ISX: variants seen among roughly 807,000 people sequenced by gnomAD.
ISX encodes the protein intestine-specific homeobox.
ISX carries 15 observed loss-of-function variants against 16.9 expected under a neutral mutation model. The observed-to-expected ratio is 0.89, with a 90% CI of 0.59 to 1.36. ISX has a LOEUF of 1.36. Ranked by LOEUF, ISX falls within the 40% of genes most tolerant of loss-of-function variation. ISX has a pLI of 0.00. For synonymous variants in ISX, 125 were observed against 119.7 expected, an observed-to-expected ratio of 1.04 and a Z score of -0.29; for missense variants, 316 against 306.1, an observed-to-expected ratio of 1.03 and a Z score of -0.24.
Position 35,082,653 on chromosome 22 carries a change from C to G in ISX, c.365C>G (p.Pro122Arg). ...CAGCTGGCAGCCAGGATCAACCTCC[C>G]AGAAGCTCGGGTGCAGGTACAGCCA... is the stretch of plus-strand genomic sequence containing the variant. ...RSQLAARINLPEARVQIWFQN... is the reference protein window; with the variant it reads ...RSQLAARINLREARVQIWFQN... Residue 122 changes from proline (P) to arginine (R), a missense_variant, in exon 3 of 5, where the codon CCA becomes CGA. Transcript: ENST00000404699. 1 of 1,614,146 alleles carries G rather than the reference C, an allele frequency of 6.2e-7. No homozygotes were observed. The highest frequency in any genetic ancestry group is 8.5e-7 in the Non-Finnish European group (1 of 1,180,008).
intron 3 of ISX, among the ~76,000 whole-genome samples, chr22:35,083,085 C>T (rs1276664153): frequency 6.6e-6 from 1 of 152,206 alleles, no homozygotes; most frequent in Non-Finnish European, 1.5e-5. Context: ...AGCAACTGTT[C>T]AACCAGGCCA....
At position 35,084,404 on chromosome 22, in the gene ISX, G is replaced by A. The variant is rs764851237; in HGVS notation, c.403G>A (p.Ala135Thr). 1.6e-5 allele frequency: 26 copies of A among 1,613,982 alleles called. No individual in the cohort carries two copies. In the South Asian group the frequency reaches 2.5e-4, roughly 16 times the overall value. ...ACAGATCTGGTTCCAGAATCAGCGA[G>A]CCAAGTGGCGGAAGCAGGAGAAGAT... ...RVQIWFQNQR[A>T]KWRKQEKIGN... Residue 135 changes from alanine (A) to threonine (T), a missense_variant, in exon 4 of 5, where the codon GCC becomes ACC. Transcript: ENST00000404699.
At chr22:35,075,494 C>T (rs1239628258) in intron 2 of ISX, among the ~76,000 whole-genome samples, 14 of 152,046 alleles carry the variant, frequency 9.2e-5, no homozygotes, top group Admixed American at 9.2e-4. Flanking sequence ...TGGAGTGGGC[C>T]CCACACACAC....
rs557180558 is a variant in ISX, at chr22:35,084,488, C to A, written c.487C>A (p.Leu163Met). ...SEASVALPTN[L>M]DVAGPTWTST... ...AGCCAGTGTGGCCCTGCCCACAAAT[C>A]TGGATGTGGCTGTAAGTGGCTGAGG... The change falls in exon 4 of 5, where the codon CTG becomes ATG. Residue 163 changes from leucine (L) to methionine (M), a missense_variant. Transcript: ENST00000404699. 1.2e-6 allele frequency: 2 copies of A among 1,609,958 alleles called. No individual in the cohort carries two copies. The highest frequency in any genetic ancestry group is 1.7e-5 in the Admixed American group (1 of 59,804).
chr22:35,079,587 G>C (rs1466439511), intron 2 of ISX, among the ~76,000 whole-genome samples: 2 of 152,274 alleles, frequency 1.3e-5, no homozygotes, highest in East Asian at 3.9e-4. Context: ...CCTTCCCTGG[G>C]AGGCTTAGAG....
chr22:35,082,574 G>A lies in ISX; in HGVS notation c.286G>A (p.Glu96Lys), dbSNP rs1929146236. The change falls in exon 3 of 5, where the codon GAG becomes AAG. Residue 96 changes from glutamate (E) to lysine (K), a missense_variant. Glu to Lys is a moderately conservative substitution (Grantham distance 56). Coordinates refer to ENST00000404699, the MANE Select transcript of ISX (RefSeq NM_001303508.2). ...CACCTTCACCACTGAGCAGCTGCATGAGCTGGAGAAGATCTTCCACTTTAC... is the reference window on the plus strand; with the variant it reads ...CACCTTCACCACTGAGCAGCTGCATAAGCTGGAGAAGATCTTCCACTTTAC... ...RTTFTTEQLHELEKIFHFTHY... is the reference protein window; with the variant it reads ...RTTFTTEQLHKLEKIFHFTHY... 6.2e-7 allele frequency: 1 copy of A among 1,614,194 alleles called. No homozygotes were observed. Among genetic ancestry groups the A allele is most frequent in the South Asian group, 1.1e-5 (1 of 91,082 alleles).
chr22:35,085,791 C>T lies in ISX; in HGVS notation c.*98C>T. On this transcript the variant is annotated 3_prime_UTR_variant, in exon 5 of 5. Coordinates refer to ENST00000404699, the MANE Select transcript of ISX (RefSeq NM_001303508.2). Reference sequence around the variant, plus strand: ...CCTCTGGGGAAATCGATTTCACAATCCAAAAATGGCCCACAGCCCAGGAAG... The same window carrying T: ...CCTCTGGGGAAATCGATTTCACAATTCAAAAATGGCCCACAGCCCAGGAAG... 1 of 1,499,336 alleles carries T rather than the reference C, an allele frequency of 6.7e-7. No homozygotes were observed. The allele number at this position is 1,499,336 out of a possible 1,614,324, so 92.9% of individuals were successfully genotyped here.
intron 2 of ISX, among the ~76,000 whole-genome samples, chr22:35,080,992 G>A (rs1348188731): frequency 2.0e-5 from 3 of 152,216 alleles, no homozygotes; most frequent in Non-Finnish European, 2.9e-5. Context: ...TTTCTGCAAC[G>A]CACTGCCTAG....
intron 2 of ISX, among the ~76,000 whole-genome samples, chr22:35,068,658 C>T (rs994604631): frequency 1.2e-4 from 18 of 152,172 alleles, no homozygotes; most frequent in Admixed American, 5.9e-4. Context: ...AGCCCGATGA[C>T]GGCAGGCTTC....
At position 35,082,554 on chromosome 22, in the gene ISX, TCAC is replaced by T; in HGVS notation, c.270_272del (p.Thr91del). ...AGCAAGCGGAGGGTTCGTACCACCT[TCAC>T]CACTGAGCAGCTGCATGAGCTGGAG... On this transcript the variant is annotated inframe_deletion, in exon 3 of 5. Transcript: ENST00000404699. 1 of 1,614,136 alleles carries T rather than the reference TCAC, an allele frequency of 6.2e-7. No homozygotes were observed. The highest frequency in any genetic ancestry group is 8.5e-7 in the Non-Finnish European group (1 of 1,180,018).
intron 2 of ISX, among the ~76,000 whole-genome samples, chr22:35,076,620 G>C (rs1928988611): frequency 6.6e-6 from 1 of 152,178 alleles, no homozygotes; most frequent in Admixed American, 6.5e-5. Flanking sequence ...CCCATTTCCA[G>C]AGACTGCCCA....
At chr22:35,082,398 G>T in intron 2 of ISX, 120 bp from the exon 3 acceptor site, 1 of 934,030 alleles carries the variant, frequency 1.1e-6, no homozygotes, top group South Asian at 1.7e-5. Flanking sequence ...AGCTCAAGAA[G>T]CCAGGGGCCA....
At chr22:35,080,815 G>A (rs1200787070) in intron 2 of ISX, among the ~76,000 whole-genome samples, 2 of 152,216 alleles carry the variant, frequency 1.3e-5, no homozygotes, top group Non-Finnish European at 2.9e-5. Flanking sequence ...GGAGGGCAGG[G>A]CAGTTCCCAG....
At chr22:35,068,465 AG>A (rs1928765547) in intron 2 of ISX, among the ~76,000 whole-genome samples, 1 of 152,190 alleles carries the variant, frequency 6.6e-6, no homozygotes, top group Non-Finnish European at 1.5e-5. Flanking sequence ...AGTTTTCCAA[AG>A]GGAAAGGGTC....
chr22:35,079,157 A>C (rs1929062791), intron 2 of ISX, among the ~76,000 whole-genome samples: 1 of 152,184 alleles, frequency 6.6e-6, no homozygotes, highest in Non-Finnish European at 1.5e-5. Flanking sequence ...TCAGAAGTGA[A>C]ATCTATTTTT....
chr22:35,072,986 C>G (rs935181097), intron 2 of ISX, among the ~76,000 whole-genome samples: 3 of 152,158 alleles, frequency 2.0e-5, no homozygotes, highest in African/African-American at 7.2e-5. Flanking sequence ...GAGCTGGTAA[C>G]AGCCACTGGT....
intron 3 of ISX, among the ~76,000 whole-genome samples, chr22:35,083,616 C>G (rs370056918): frequency 8.5e-5 from 13 of 152,230 alleles, no homozygotes; most frequent in Admixed American, 2.6e-4. Flanking sequence ...CTAAGTTGCT[C>G]TCCTTTTTTT....
Position 35,086,026 on chromosome 22 carries a change from A to G in ISX, c.*333A>G, listed in dbSNP as rs1405050018. ...CTGTGTGACCTCCAGCCGGTCACTC[A>G]CCCTCTCTGGACCTCATCTGTAAGA... On this transcript the variant is annotated 3_prime_UTR_variant, in exon 5 of 5. Coordinates refer to ENST00000404699, the MANE Select transcript of ISX (RefSeq NM_001303508.2). The G allele has an allele frequency of 2.7e-6, 1 of 376,742 alleles. No homozygotes were observed. The highest frequency in any genetic ancestry group is 5.0e-6 in the Non-Finnish European group (1 of 198,414). The allele number at this position is 376,742 out of a possible 1,614,324, so 23.3% of individuals were successfully genotyped here.
chr22:35,070,557 C>T (rs531288435), intron 2 of ISX, among the ~76,000 whole-genome samples: 1 of 152,342 alleles, frequency 6.6e-6, no homozygotes, highest in South Asian at 2.1e-4. Context: ...TATGGACTGC[C>T]TGGCCTGTGG....
Sources: allele counts gnomAD v4.1 joint callset (sites outside exome capture counted in the v4.1 genomes callset), GRCh38; gene constraint gnomAD v4.1.1; transcripts MANE v1.5; gene names NCBI Gene and HGNC (gene_info 2026-07-23, HGNC 2026-07-21).